RETREG1: variants seen among roughly 807,000 people sequenced by gnomAD.
RETREG1 encodes reticulophagy regulator 1.
A neutral mutation model predicts 54.8 loss-of-function variants in RETREG1; 44 were observed. That is an observed-to-expected ratio of 0.80 (90% CI 0.63 to 1.03). RETREG1 has a LOEUF of 1.03. RETREG1 is among the 50% of genes least tolerant of loss of function. The pLI, the probability that RETREG1 is intolerant of heterozygous loss-of-function variation, is 0.00. For synonymous variants in RETREG1, 217 were observed against 238.5 expected (o/e 0.91, Z 0.83); for missense variants, 554 against 605.1 (o/e 0.92, Z 0.89).
chr5:16,502,048 CTGG>C (rs1343601884), intron 3 of RETREG1, among the ~76,000 whole-genome samples: 1 of 151,548 alleles, frequency 6.6e-6, no homozygotes, highest in Non-Finnish European at 1.5e-5. Flanking sequence ...GCTCCGCCTC[CTGG>C]GTTCACACCA....
chr5:16,489,929 C>T (rs1739180831), intron 3 of RETREG1, among the ~76,000 whole-genome samples: 1 of 152,132 alleles, frequency 6.6e-6, no homozygotes, highest in African/African-American at 2.4e-5. Context: ...TTAGCATATA[C>T]TAATGAACTT....
chr5:16,605,432 C>A (rs1743160805), intron 1 of RETREG1, among the ~76,000 whole-genome samples: 1 of 152,218 alleles, frequency 6.6e-6, no homozygotes, highest in Non-Finnish European at 1.5e-5. Context: ...CCTTTCCCCA[C>A]AAATTCTAGT....
chr5:16,496,427 G>A (rs1179999911), intron 3 of RETREG1, among the ~76,000 whole-genome samples: 2 of 152,190 alleles, frequency 1.3e-5, no homozygotes, highest in African/African-American at 2.4e-5. Flanking sequence ...CCACCAGCAG[G>A]AAGGGGTAAA....
chr5:16,520,180 G>A (rs1740485761), intron 3 of RETREG1, among the ~76,000 whole-genome samples: 1 of 152,186 alleles, frequency 6.6e-6, no homozygotes, highest in African/African-American at 2.4e-5. Flanking sequence ...GGGAGGGGGT[G>A]AGGAAAGACA....
chr5:16,547,903 A>C (rs534910227), intron 3 of RETREG1, among the ~76,000 whole-genome samples: 55 of 152,342 alleles, frequency 3.6e-4, no homozygotes, highest in African/African-American at 1.3e-3. Flanking sequence ...TTATGGTAAA[A>C]AAAATTCAAG....
At chr5:16,616,477 G>C (rs762381294) in intron 1 of RETREG1, 175 bp downstream of exon 1, 1 of 1,146,058 alleles carries the variant, frequency 8.7e-7, no homozygotes, top group Non-Finnish European at 1.2e-6. Context: ...GCGTCCGGAG[G>C]AAAGTTGCGG....
At chr5:16,550,375 A>G (rs1741500088) in intron 3 of RETREG1, among the ~76,000 whole-genome samples, 1 of 152,098 alleles carries the variant, frequency 6.6e-6, no homozygotes, top group Non-Finnish European at 1.5e-5. Flanking sequence ...TGCTGGAGGT[A>G]CTGATGGTGC....
intron 3 of RETREG1, among the ~76,000 whole-genome samples, chr5:16,552,310 T>C (rs1427834924): frequency 6.6e-6 from 1 of 152,190 alleles, no homozygotes; most frequent in Non-Finnish European, 1.5e-5. Context: ...CACTTGCAAA[T>C]TAAGTTATTT....
intron 1 of RETREG1, 77 bp downstream of exon 1, chr5:16,616,575 G>C: frequency 6.5e-7 from 1 of 1,531,734 alleles, no homozygotes; most frequent in Non-Finnish European, 8.7e-7. Flanking sequence ...GGCTCCCCCT[G>C]CACTGGGTCC....
At chr5:16,478,529 C>G (rs138841782) in intron 6 of RETREG1, among the ~76,000 whole-genome samples, 2 of 152,034 alleles carry the variant, frequency 1.3e-5, no homozygotes, top group Non-Finnish European at 2.9e-5. Flanking sequence ...ATTGGCTTTT[C>G]CTGTATTTTC....
At chr5:16,566,192 T>G (rs1487702573) in intron 2 of RETREG1, among the ~76,000 whole-genome samples, 1 of 152,044 alleles carries the variant, frequency 6.6e-6, no homozygotes, top group Non-Finnish European at 1.5e-5. Flanking sequence ...AGAGAGAAAA[T>G]GCAGCTGCTC....
At chr5:16,592,032 A>C (rs1313044898) in intron 1 of RETREG1, among the ~76,000 whole-genome samples, 1 of 152,230 alleles carries the variant, frequency 6.6e-6, no homozygotes, top group Non-Finnish European at 1.5e-5. Context: ...TAGAGTCTAC[A>C]ACACAATCCT....
intron 3 of RETREG1, among the ~76,000 whole-genome samples, chr5:16,487,098 A>C (rs990889721): frequency 6.6e-6 from 1 of 152,190 alleles, no homozygotes; most frequent in Non-Finnish European, 1.5e-5. Context: ...ATCACCATGC[A>C]ACATAAGGCC....
chr5:16,598,773 T>C (rs1404545221), intron 1 of RETREG1, among the ~76,000 whole-genome samples: 1 of 152,204 alleles, frequency 6.6e-6, no homozygotes, highest in African/African-American at 2.4e-5. Flanking sequence ...CACCAAGATC[T>C]TGGAGGACCA....
intron 1 of RETREG1, among the ~76,000 whole-genome samples, chr5:16,579,152 A>G (rs1022575217): frequency 6.6e-6 from 1 of 152,200 alleles, no homozygotes. Context: ...CCAGAACCAA[A>G]TGCAGGATAA....
At chr5:16,598,479 G>A (rs976756819) in intron 1 of RETREG1, among the ~76,000 whole-genome samples, 5 of 152,100 alleles carry the variant, frequency 3.3e-5, no homozygotes, top group Admixed American at 6.6e-5. Context: ...TGTCACCCTC[G>A]GAGCCTTTGT....
intron 3 of RETREG1, among the ~76,000 whole-genome samples, chr5:16,531,061 A>G (rs1483353045): frequency 6.6e-6 from 1 of 152,214 alleles, no homozygotes; most frequent in African/African-American, 2.4e-5. Flanking sequence ...ATTCATTTTA[A>G]TCCCTCACTA....
At chr5:16,595,242 ATT>A (rs1451564885) in intron 1 of RETREG1, among the ~76,000 whole-genome samples, 1 of 151,978 alleles carries the variant, frequency 6.6e-6, no homozygotes, top group East Asian at 1.9e-4. Flanking sequence ...TTGTTTTTAT[ATT>A]TTGTTTTTAT....
rs60475981 is a variant in RETREG1 at position 16,571,593 on chromosome 5, T to G, written c.427+403A>C. On this transcript the variant is annotated intron_variant, in intron 2 of 8. Transcript: ENST00000306320. ...TTATCAACTCATTTTTTAAAATTATTTAACCATCGCTTGCTTTTAAACCCT... is the reference window on the plus strand; with the variant it reads ...TTATCAACTCATTTTTTAAAATTATGTAACCATCGCTTGCTTTTAAACCCT... 3.2e-3 allele frequency among the ~76,000 whole-genome samples: 494 copies of G among 152,320 alleles called. 3 individuals are homozygous for G. Among genetic ancestry groups the G allele is most frequent in the African/African-American group, 0.012 (478 of 41,564 alleles).
Sources: allele counts gnomAD v4.1 joint callset (sites outside exome capture counted in the v4.1 genomes callset), GRCh38; gene constraint gnomAD v4.1.1; transcripts MANE v1.5; gene names NCBI Gene and HGNC (gene_info 2026-07-23, HGNC 2026-07-21).